The following ESR1 variants were observed in gnomAD, a reference collection of about 807,000 sequenced individuals.
ESR1 encodes estrogen receptor 1, also known as estrogen receptor.
A neutral mutation model predicts 52.7 loss-of-function variants in ESR1; 12 were observed. That is an observed-to-expected ratio of 0.23 (90% confidence interval 0.15 to 0.37). The LOEUF (loss-of-function observed/expected upper bound fraction) is 0.37, where lower values mean the gene tolerates loss of function less well. Ranked by LOEUF, ESR1 falls within the 10% of genes least tolerant of loss-of-function variation. ESR1 has a pLI of 1.00. For synonymous variants in ESR1, 305 were observed against 316.8 expected (o/e 0.96, Z 0.39); for missense variants, 584 against 779.7 (o/e 0.75, Z 2.99).
intron 1 of ESR1, among the ~76,000 whole-genome samples, chr6:151,672,919 C>A (rs1222645255): frequency 1.3e-5 from 2 of 150,348 alleles, no homozygotes; most frequent in African/African-American, 2.4e-5. Flanking sequence ...AGCTCTGCCT[C>A]CCGGGTTCAC....
At chr6:151,806,557 T>TACAC (rs1554259011), upstream of ESR1, among the ~76,000 whole-genome samples, 83 of 133,788 alleles carry the variant, frequency 6.2e-4, 1 homozygote, top group African/African-American at 2.1e-3. Flanking sequence ...TATATATATA[T>TACAC]ACACATATAT....
At chr6:151,821,957 A>G (rs1780625011) in intron 1 of ESR1, among the ~76,000 whole-genome samples, 1 of 152,214 alleles carries the variant, frequency 6.6e-6, no homozygotes, top group South Asian at 2.1e-4. Flanking sequence ...TCCCCGTTAC[A>G]TGTGTTAAAG....
chr6:151,842,688 A>G lies in ESR1; in HGVS notation c.544A>G (p.Thr182Ala), dbSNP rs2128234474. Residue 182 changes from threonine (T) to alanine (A), a missense_variant, in exon 2 of 8, where the codon ACT (threonine) becomes GCT (alanine). Around this residue, in one of 6 missense-constraint regions of ESR1, gnomAD observed 251 missense variants for 246.1 expected, o/e 1.02. Transcript: ENST00000206249. ...TATGGCTATGGAATCTGCCAAGGAG[A>G]CTCGCTACTGTGCAGTGTGCAATGA... ...GSMAMESAKE[T>A]RYCAVCNDYA... 2 of 1,613,862 alleles carry G rather than the reference A, an allele frequency of 1.2e-6. No individual in the cohort carries two copies. Among genetic ancestry groups the G allele is most frequent in the Non-Finnish European group, 1.7e-6 (2 of 1,179,912 alleles).
Position 152,057,073 on chromosome 6 carries a change from C to T in ESR1, c.1236-3918C>T, listed in dbSNP as rs34218268. ...TTGAAGTTAGTATAGAATATTTTGGCTAGACTTTGAAAATGAAGCCCTGAC... is the reference window on the plus strand; with the variant it reads ...TTGAAGTTAGTATAGAATATTTTGGTTAGACTTTGAAAATGAAGCCCTGAC... On this transcript the variant is annotated intron_variant, in intron 5 of 7. Coordinates refer to ENST00000206249, the MANE Select transcript of ESR1 (RefSeq NM_000125.4). Among the ~76,000 whole-genome samples the T allele has an allele frequency of 6.1e-3, 921 of 152,200 alleles. 2 individuals carry two copies. Among genetic ancestry groups the T allele is most frequent in the African/African-American group, 0.021 (875 of 41,540 alleles).
chr6:151,953,716 A>T (rs1207344589), intron 4 of ESR1, among the ~76,000 whole-genome samples: 1 of 152,084 alleles, frequency 6.6e-6, no homozygotes, highest in African/African-American at 2.4e-5. Context: ...CCGTCTAAAA[A>T]AAAAAAAGAA....
At chr6:152,057,686 C>G (rs1004019655) in intron 5 of ESR1, among the ~76,000 whole-genome samples, 11 of 121,692 alleles carry the variant, frequency 9.0e-5, no homozygotes, top group African/African-American at 3.2e-4. Context: ...AAGGAACATA[C>G]ACATGCATAC....
chr6:152,037,636 G>C (rs760404709), intron 5 of ESR1, among the ~76,000 whole-genome samples: 8 of 152,124 alleles, frequency 5.3e-5, no homozygotes, highest in Non-Finnish European at 1.2e-4. Context: ...GGTAATAGGT[G>C]TCATGCTTGT....
At chr6:151,994,262 T>A (rs531943372) in intron 4 of ESR1, among the ~76,000 whole-genome samples, 8 of 152,296 alleles carry the variant, frequency 5.3e-5, no homozygotes, top group South Asian at 4.1e-4. Flanking sequence ...ACAAGTGGAC[T>A]GCACTATACA....
chr6:152,105,200 T>C (rs1222979781), downstream of ESR1, among the ~76,000 whole-genome samples: 1 of 152,170 alleles, frequency 6.6e-6, no homozygotes, highest in Non-Finnish European at 1.5e-5. Context: ...TGAGCCACCA[T>C]AGCAAATGAA....
intron 1 of ESR1, among the ~76,000 whole-genome samples, chr6:151,669,147 G>GGGGAGAGAGAGAGAGA (rs1554231683): frequency 4.3e-5 from 3 of 69,298 alleles, no homozygotes; most frequent in African/African-American, 2.5e-4. Flanking sequence ...TTGGGAGCTG[G>GGGGAGAGAGAGAGAGA]GAGAGAGAGA....
chr6:151,896,210 G>A (rs1317438623), intron 3 of ESR1, among the ~76,000 whole-genome samples: 1 of 152,168 alleles, frequency 6.6e-6, no homozygotes, highest in Non-Finnish European at 1.5e-5. Context: ...AATGATTTAG[G>A]GAGGATTCCC....
chr6:151,721,355 G>A (rs17081617), intron 2 of ESR1, among the ~76,000 whole-genome samples: 6,423 of 152,140 alleles, frequency 0.042, 459 homozygotes, highest in African/African-American at 0.15. Flanking sequence ...ATCACTCAAG[G>A]GTTTGGTATG....
chr6:151,698,183 T>C (rs890141910), intron 1 of ESR1, among the ~76,000 whole-genome samples: 1 of 151,346 alleles, frequency 6.6e-6, no homozygotes, highest in African/African-American at 2.4e-5. Context: ...CTGGGCAACA[T>C]GGCGAAACCC....
intron 2 of ESR1, among the ~76,000 whole-genome samples, chr6:151,709,205 C>T (rs1780399332): frequency 6.6e-6 from 1 of 152,082 alleles, no homozygotes; most frequent in Admixed American, 6.6e-5. Flanking sequence ...CCTTTTTAGA[C>T]TCTACATATA....
chr6:151,927,622 A>G (rs1228663032), intron 3 of ESR1, among the ~76,000 whole-genome samples: 1 of 152,172 alleles, frequency 6.6e-6, no homozygotes, highest in African/African-American at 2.4e-5. Flanking sequence ...TCGTGAGCAT[A>G]GAGTTGTTCA....
intron 4 of ESR1, among the ~76,000 whole-genome samples, chr6:152,010,978 A>G (rs1470791267): frequency 1.3e-5 from 2 of 150,758 alleles, no homozygotes; most frequent in East Asian, 3.9e-4. Flanking sequence ...CATTATTGTT[A>G]TTAGGTAACC....
At chr6:151,703,537 G>A (rs957664798) in intron 2 of ESR1, among the ~76,000 whole-genome samples, 9 of 152,182 alleles carry the variant, frequency 5.9e-5, no homozygotes, top group African/African-American at 2.2e-4. Flanking sequence ...TAATGGGTGA[G>A]CTGCTCTAGC....
At chr6:152,124,858 T>C (rs1259413424) in intron 6 of ESR1, among the ~76,000 whole-genome samples, 1 of 152,210 alleles carries the variant, frequency 6.6e-6, no homozygotes, top group African/African-American at 2.4e-5. Flanking sequence ...CCTAATTTTG[T>C]AGGGGAGTAG....
At chr6:151,780,732 C>T (rs1384045158) in intron 2 of ESR1, among the ~76,000 whole-genome samples, 1 of 152,188 alleles carries the variant, frequency 6.6e-6, no homozygotes, top group African/African-American at 2.4e-5. Context: ...AAAGATCAGT[C>T]CATTGATTCT....
Sources: gnomAD v4.1 joint callset for allele counts (sites outside exome capture counted in the v4.1 genomes callset) on GRCh38, gnomAD v4.1.1 for gene constraint, gnomAD v4.1.1 regional missense constraint, MANE v1.5 for transcripts, NCBI Gene and HGNC (gene_info 2026-07-23, HGNC 2026-07-21) for gene names.